Variants in GLIS3 observed in about 807,000 individuals in gnomAD.
GLIS3 encodes the protein zinc finger protein GLIS3.
A neutral mutation model predicts 78.6 loss-of-function variants in GLIS3; 53 were observed. The observed-to-expected ratio is 0.67, with a 90% CI of 0.54 to 0.85. GLIS3 has a LOEUF of 0.85. Among genes scored for constraint, GLIS3 ranks in the 40% least tolerant of loss-of-function variants. The pLI is 0.00. For synonymous variants in GLIS3, 684 were observed against 509.9 expected (o/e 1.34, Z -4.60); for missense variants, 1,703 against 1,231.1 (o/e 1.38, Z -5.74).
Position 4,012,890 on chromosome 9 carries a change from G to A in GLIS3, c.1711-75701C>T, listed in dbSNP as rs185010854. On this transcript the variant is annotated intron_variant, in intron 4 of 10. Transcript: ENST00000381971. ...TGGGTTCAAGTAATTCTCCTGCCTC[G>A]GTTTCCAGAGTAGCTGGGATTACAG... Among the ~76,000 whole-genome samples the A allele has an allele frequency of 3.6e-4, 53 of 147,738 alleles. No homozygotes were observed. The East Asian group carries it at 4.8e-3, about 13-fold the overall frequency.
the GLIS3 span, among the ~76,000 whole-genome samples, chr9:4,400,402 G>A: frequency 6.6e-6 from 1 of 152,144 alleles, no homozygotes; most frequent in Non-Finnish European, 1.5e-5. Flanking sequence ...CAAAGCTGTT[G>A]GAACTTCTTA....
intron 8 of GLIS3, among the ~76,000 whole-genome samples, chr9:3,876,888 AC>A (rs1321636793): frequency 6.6e-6 from 1 of 151,808 alleles, no homozygotes; most frequent in Non-Finnish European, 1.5e-5. Flanking sequence ...CAGCTAAGGA[AC>A]TTGCCCACAG....
chr9:3,899,151 C>A (rs771827674), intron 6 of GLIS3, among the ~76,000 whole-genome samples: 8 of 152,042 alleles, frequency 5.3e-5, no homozygotes, highest in Non-Finnish European at 1.0e-4. Flanking sequence ...GAACTTGTAA[C>A]GATAACAACA....
chr9:4,180,996 C>T (rs552050591), intron 2 of GLIS3, among the ~76,000 whole-genome samples: 2 of 152,262 alleles, frequency 1.3e-5, no homozygotes, highest in African/African-American at 4.8e-5. Flanking sequence ...CTAACAAATG[C>T]CCTTGGATGT....
At chr9:4,176,399 GC>G (rs761968106) in intron 2 of GLIS3, among the ~76,000 whole-genome samples, 4 of 151,962 alleles carry the variant, frequency 2.6e-5, no homozygotes, top group Admixed American at 6.5e-5. Flanking sequence ...TATTTTATAG[GC>G]AATTTTGCAT....
chr9:4,099,427 C>T (rs1830201454), intron 4 of GLIS3, among the ~76,000 whole-genome samples: 1 of 151,098 alleles, frequency 6.6e-6, no homozygotes, highest in African/African-American at 2.5e-5. Flanking sequence ...CCCCCCGAGC[C>T]TCTGTCTTTG....
At chr9:4,378,742 G>T in the GLIS3 span, among the ~76,000 whole-genome samples, 2 of 152,148 alleles carry the variant, frequency 1.3e-5, no homozygotes, top group African/African-American at 4.8e-5. Context: ...TTATTTCTTG[G>T]TTCTTGATAG....
At chr9:4,271,123 A>C (rs1291338858) in intron 2 of GLIS3, among the ~76,000 whole-genome samples, 6 of 152,202 alleles carry the variant, frequency 3.9e-5, no homozygotes, top group African/African-American at 1.4e-4. Flanking sequence ...CTTAATGAAC[A>C]GTAAATATAT....
At chr9:4,305,737 C>A (rs1196862753) in intron 4 of GLIS3, 1 of 39,426 alleles carries the variant, frequency 2.5e-5, no homozygotes, top group Admixed American at 3.3e-4. Flanking sequence ...GGAAAGGTAG[C>A]CTTTTCTCCT....
intron 6 of GLIS3, among the ~76,000 whole-genome samples, chr9:3,906,826 G>T (rs548376484): frequency 1.3e-5 from 2 of 152,318 alleles, no homozygotes; most frequent in Admixed American, 1.3e-4. Flanking sequence ...TCCATACTGT[G>T]ACTGTACCAC....
At chr9:4,085,066 A>G (rs10283727) in intron 4 of GLIS3, among the ~76,000 whole-genome samples, 56,910 of 151,564 alleles carry the variant, frequency 0.38, 10,872 homozygotes, top group Admixed American at 0.42. Flanking sequence ...TATATACTCA[A>G]CAGAAACAAC....
chr9:3,829,017 T>C (rs1367415100), intron 10 of GLIS3, among the ~76,000 whole-genome samples: 1 of 151,972 alleles, frequency 6.6e-6, no homozygotes, highest in Admixed American at 6.5e-5. Flanking sequence ...ATGTTCATGG[T>C]AGTATGGAGG....
chr9:4,003,609 A>G (rs187980919), intron 4 of GLIS3, among the ~76,000 whole-genome samples: 67 of 152,320 alleles, frequency 4.4e-4, no homozygotes, highest in Admixed American at 1.4e-3. Context: ...CAATGTTTTG[A>G]GTGTCTCTAA....
At chr9:4,060,292 A>T (rs1826535856) in intron 4 of GLIS3, among the ~76,000 whole-genome samples, 1 of 152,094 alleles carries the variant, frequency 6.6e-6, no homozygotes, top group Admixed American at 6.6e-5. Flanking sequence ...CCATTCAACA[A>T]ACATTGTCTT....
intron 2 of GLIS3, among the ~76,000 whole-genome samples, chr9:4,196,615 T>C (rs1818875794): frequency 6.6e-6 from 1 of 152,064 alleles, no homozygotes; most frequent in African/African-American, 2.4e-5. Context: ...CGCAAAGGTA[T>C]GCAGCTTCAC....
intron 2 of GLIS3, among the ~76,000 whole-genome samples, chr9:4,315,357 C>T (rs1232995844): frequency 6.6e-6 from 1 of 152,068 alleles, no homozygotes; most frequent in Non-Finnish European, 1.5e-5. Flanking sequence ...ACTCTGGGGT[C>T]CTTATTGTTA....
At chr9:4,241,674 G>GT (rs576905965) in intron 2 of GLIS3, among the ~76,000 whole-genome samples, 178 of 149,140 alleles carry the variant, frequency 1.2e-3, no homozygotes, top group African/African-American at 4.3e-3. Flanking sequence ...TGCTTTTTTT[G>GT]TTTTTTGTTT....
intron 2 of GLIS3, among the ~76,000 whole-genome samples, chr9:4,140,774 G>A (rs1383544169): frequency 6.7e-6 from 1 of 150,032 alleles, no homozygotes; most frequent in Non-Finnish European, 1.5e-5. Flanking sequence ...TTATAAAAGG[G>A]CCAAGAGTAG....
At chr9:4,356,796 C>T in the GLIS3 span, among the ~76,000 whole-genome samples, 1 of 152,306 alleles carries the variant, frequency 6.6e-6, no homozygotes, top group Non-Finnish European at 1.5e-5. Context: ...AAGAAAATCT[C>T]TAAAGGTTTG....
Sources: allele counts gnomAD v4.1 joint callset (sites outside exome capture counted in the v4.1 genomes callset), GRCh38; gene constraint gnomAD v4.1.1; transcripts MANE v1.5; gene names NCBI Gene and HGNC (gene_info 2026-07-23, HGNC 2026-07-21).